The following MRPL48 variants were observed in gnomAD, a reference collection of about 807,000 sequenced individuals.
MRPL48 encodes large ribosomal subunit protein mL48.
In MRPL48, 16 loss-of-function variants were observed where a neutral mutation model predicts 32.9. The ratio of observed to expected loss-of-function variants is 0.49; its 90% CI spans 0.33 to 0.74. MRPL48 has a LOEUF of 0.74. Among genes scored for constraint, MRPL48 ranks in the 30% least tolerant of loss-of-function variants. The probability of loss-of-function intolerance (pLI) is 0.02; values close to 1 mark genes in which losing one functional copy is unlikely to be tolerated. For synonymous variants in MRPL48, 94 were observed against 89.2 expected (o/e 1.05, Z -0.31); for missense variants, 206 against 245.3 (o/e 0.84, Z 1.07).
intron 3 of MRPL48, among the ~76,000 whole-genome samples, chr11:73,815,679 G>A (rs1947651923): frequency 6.6e-6 from 1 of 151,202 alleles, no homozygotes; most frequent in South Asian, 2.1e-4. Context: ...TTTTTGTTTT[G>A]TTTTTTTTAC....
At chr11:73,863,374 C>T in intron 7 of MRPL48, 113 bp downstream of exon 7, 1 of 892,620 alleles carries the variant, frequency 1.1e-6, no homozygotes, top group Non-Finnish European at 1.7e-6. Context: ...GATAATGTGA[C>T]CTAAATAATA....
intron 5 of MRPL48, 64 bp from the exon 6 acceptor site, chr11:73,859,843 C>T: frequency 2.1e-6 from 3 of 1,396,860 alleles, no homozygotes; most frequent in Middle Eastern, 3.5e-4. Context: ...TCATGGACTA[C>T]TATGATTGAA....
intron 1 of MRPL48, among the ~76,000 whole-genome samples, chr11:73,793,676 A>G (rs1345960342): frequency 2.0e-5 from 3 of 152,046 alleles, no homozygotes; most frequent in Non-Finnish European, 4.4e-5. Context: ...TGGGGTGTAG[A>G]TTACGGGAGA....
intron 5 of MRPL48, among the ~76,000 whole-genome samples, chr11:73,846,430 C>T (rs1163623159): frequency 6.6e-6 from 1 of 152,018 alleles, no homozygotes; most frequent in Non-Finnish European, 1.5e-5. Flanking sequence ...CCATGTTGGC[C>T]AGGCTGGTCT....
chr11:73,806,656 A>G (rs1421490439), intron 2 of MRPL48, among the ~76,000 whole-genome samples: 2 of 152,180 alleles, frequency 1.3e-5, no homozygotes, highest in Non-Finnish European at 2.9e-5. Context: ...CATAGTAGGC[A>G]TTTAATAAAT....
intron 5 of MRPL48, among the ~76,000 whole-genome samples, chr11:73,859,077 G>C (rs1948537065): frequency 6.6e-6 from 1 of 151,160 alleles, no homozygotes; most frequent in Non-Finnish European, 1.5e-5. Context: ...CCAGTGGGTA[G>C]AGGGATGTAT....
At chr11:73,808,489 G>A in intron 3 of MRPL48, 139 bp downstream of exon 3, 2 of 789,286 alleles carry the variant, frequency 2.5e-6, no homozygotes, top group South Asian at 1.7e-5. Flanking sequence ...ATGTGAGCAT[G>A]GAATAGAACC....
chr11:73,835,133 ATGTTG>A (rs1948072875), intron 4 of MRPL48, among the ~76,000 whole-genome samples: 1 of 125,502 alleles, frequency 8.0e-6, no homozygotes, highest in East Asian at 2.5e-4. Context: ...GTGCCCAGCC[ATGTTG>A]TCTTTTTTTT....
At chr11:73,828,224 A>G (rs1947933313) in intron 4 of MRPL48, among the ~76,000 whole-genome samples, 1 of 149,216 alleles carries the variant, frequency 6.7e-6, no homozygotes, top group Admixed American at 6.7e-5. Context: ...TTGCAAAATA[A>G]TTCTTTTTTT....
At chr11:73,842,105 C>A (rs1948196115) in intron 4 of MRPL48, 1 of 152,058 alleles carries the variant, frequency 6.6e-6, no homozygotes, top group African/African-American at 2.4e-5. Flanking sequence ...TGTGCACCAC[C>A]ACGGCTGGCT....
At position 73,797,402 on chromosome 11, in the gene MRPL48, G is replaced by A. The variant is rs117746358; in HGVS notation, c.22-7625G>A. Among the ~76,000 whole-genome samples, 488 of 152,354 alleles carry A rather than the reference G, an allele frequency of 3.2e-3. 2 individuals are homozygous for A. Among genetic ancestry groups the A allele is most frequent in the Non-Finnish European group, 4.8e-3 (324 of 68,042 alleles). On this transcript the variant is annotated intron_variant, in intron 1 of 7. Transcript: ENST00000310614. ...TGTGCCCCTTTTTCACCAGGTTGTG[G>A]GTGAAGAGAAGGAAAGAAGAGCTGC...
chr11:73,818,409 C>T (rs1200978814), intron 3 of MRPL48, among the ~76,000 whole-genome samples: 2 of 152,142 alleles, frequency 1.3e-5, no homozygotes, highest in African/African-American at 2.4e-5. Flanking sequence ...AGCAGAGAAG[C>T]GTGGTATTTT....
At chr11:73,821,056 A>C (rs80147186) in intron 3 of MRPL48, among the ~76,000 whole-genome samples, 1,652 of 152,224 alleles carry the variant, frequency 0.011, 28 homozygotes, top group African/African-American at 0.036. Flanking sequence ...GTACAGCATC[A>C]TGATAATAGT....
chr11:73,860,080 T>C, intron 6 of MRPL48, 71 bp downstream of exon 6: 2 of 1,248,350 alleles, frequency 1.6e-6, no homozygotes, highest in Non-Finnish European at 2.2e-6. Flanking sequence ...TTTTTCACTT[T>C]CTATTATGCT....
rs760888869 is a variant in MRPL48 at position 73,859,887 on chromosome 11, C to A, written c.372-20C>A. 3.7e-6 allele frequency: 6 copies of A among 1,608,000 alleles called. No individual in the cohort carries two copies. The highest frequency in any genetic ancestry group is 4.3e-6 in the Non-Finnish European group (5 of 1,175,202). On this transcript the variant is annotated intron_variant, in intron 5 of 7. Transcript: ENST00000310614. ...TGGCTTCAGTGAACACTCACTATAG[C>A]TGACTCTTCCTTCCCACAGTTATGC...
chr11:73,856,609 G>A (rs1948485399), intron 5 of MRPL48, among the ~76,000 whole-genome samples: 1 of 152,138 alleles, frequency 6.6e-6, no homozygotes, highest in African/African-American at 2.4e-5. Flanking sequence ...AAGAGTAAAA[G>A]CATCACTCAG....
chr11:73,851,776 G>A (rs1041743844), intron 5 of MRPL48, among the ~76,000 whole-genome samples: 1 of 144,330 alleles, frequency 6.9e-6, no homozygotes, highest in Non-Finnish European at 1.6e-5. Context: ...CCAGTTGTGT[G>A]GTATACAGTT....
At chr11:73,816,084 G>C (rs2511272) in intron 3 of MRPL48, among the ~76,000 whole-genome samples, 77,660 of 150,720 alleles carry the variant, frequency 0.52, 21,374 homozygotes, top group African/African-American at 0.73. Context: ...TTATTTGAGA[G>C]GGAGTCTTGC....
intron 3 of MRPL48, 57 bp downstream of exon 3, chr11:73,808,407 A>G (rs943321801): frequency 1.1e-4 from 166 of 1,521,186 alleles, no homozygotes; most frequent in Middle Eastern, 1.7e-4. Context: ...TTAGCACTCT[A>G]TAATAATTTT....
Sources: gnomAD v4.1 joint callset for allele counts (sites outside exome capture counted in the v4.1 genomes callset) on GRCh38, gnomAD v4.1.1 for gene constraint, MANE v1.5 for transcripts, NCBI Gene and HGNC (gene_info 2026-07-23, HGNC 2026-07-21) for gene names.